SLMAP: variants seen among roughly 807,000 people sequenced by gnomAD.
The protein encoded by SLMAP is sarcolemma associated protein.
In SLMAP, 44 loss-of-function variants were observed where a neutral mutation model predicts 128.8. The ratio of observed to expected loss-of-function variants is 0.34; its 90% CI spans 0.27 to 0.44. SLMAP has a LOEUF of 0.44. Among genes scored for constraint, SLMAP ranks in the 20% least tolerant of loss-of-function variants. The pLI is 1.00. For missense variants in SLMAP, 787 were observed against 985.3 expected, an observed-to-expected ratio of 0.80 and a Z score of 2.69; for synonymous variants, 327 against 348.8, an observed-to-expected ratio of 0.94 and a Z score of 0.70.
intron 14 of SLMAP, among the ~76,000 whole-genome samples, chr3:57,879,019 A>G (rs182300119): frequency 1.3e-5 from 2 of 152,270 alleles, no homozygotes; most frequent in East Asian, 3.9e-4. Flanking sequence ...GTAGCTGTCA[A>G]GTAAGGAAAA....
chr3:57,851,352 G>GTT (rs11297177), intron 6 of SLMAP, among the ~76,000 whole-genome samples: 14,765 of 133,184 alleles, frequency 0.11, 917 homozygotes, highest in South Asian at 0.16. Context: ...GTTTTGGGTT[G>GTT]TTTTTTTTTT....
intron 2 of SLMAP, among the ~76,000 whole-genome samples, chr3:57,794,867 T>A (rs903894095): frequency 6.6e-6 from 1 of 152,256 alleles, no homozygotes; most frequent in Non-Finnish European, 1.5e-5. Flanking sequence ...TCGGCTGTTA[T>A]GAATAATGTC....
intron 3 of SLMAP, among the ~76,000 whole-genome samples, chr3:57,832,764 T>G (rs2093416075): frequency 6.6e-6 from 1 of 152,190 alleles, no homozygotes; most frequent in Non-Finnish European, 1.5e-5. Context: ...GCAGTATTAT[T>G]TTTAATGGGT....
At chr3:57,885,108 T>C (rs1045871271) in intron 14 of SLMAP, among the ~76,000 whole-genome samples, 1 of 151,826 alleles carries the variant, frequency 6.6e-6, no homozygotes, top group African/African-American at 2.4e-5. Context: ...GTTTCGCTCT[T>C]GTTGCCCAGG....
At chr3:57,837,586 GTCTC>G (rs1003374019) in intron 3 of SLMAP, among the ~76,000 whole-genome samples, 2 of 152,064 alleles carry the variant, frequency 1.3e-5, no homozygotes, top group African/African-American at 4.8e-5. Context: ...AACCAGGATG[GTCTC>G]TCTCTCCTGA....
chr3:57,841,175 T>C, intron 3 of SLMAP, 124 bp from the exon 4 acceptor site: 1 of 546,978 alleles, frequency 1.8e-6, no homozygotes, highest in Non-Finnish European at 3.1e-6. Flanking sequence ...ATTAAACCAC[T>C]AGCTTTATTT....
intron 14 of SLMAP, among the ~76,000 whole-genome samples, chr3:57,888,317 A>T (rs1000923624): frequency 6.6e-6 from 1 of 152,094 alleles, no homozygotes; most frequent in Non-Finnish European, 1.5e-5. Context: ...ATATAAAATA[A>T]TTTTTCAATA....
chr3:57,897,417 C>T (rs2096268806), intron 17 of SLMAP: 2 of 154,770 alleles, frequency 1.3e-5, no homozygotes, highest in Admixed American at 1.3e-4. Context: ...AGGTGGATGG[C>T]CAGGCATGGT....
chr3:57,923,251 C>A (rs963523094), intron 23 of SLMAP, among the ~76,000 whole-genome samples: 2 of 152,162 alleles, frequency 1.3e-5, no homozygotes, highest in African/African-American at 4.8e-5. Context: ...GGAGGAAGAG[C>A]CTTGTTTGCA....
intron 14 of SLMAP, among the ~76,000 whole-genome samples, chr3:57,883,403 A>C (rs866364670): frequency 1.3e-5 from 2 of 152,170 alleles, no homozygotes; most frequent in African/African-American, 2.4e-5. Flanking sequence ...CCATTAAAAA[A>C]TGTTGTTGTT....
chr3:57,811,236 A>G (rs2090917839), intron 2 of SLMAP, among the ~76,000 whole-genome samples: 1 of 151,694 alleles, frequency 6.6e-6, no homozygotes. Context: ...TTAGACAGTA[A>G]CTCTCCATTT....
At chr3:57,894,920 C>T (rs1236674252) in intron 15 of SLMAP, among the ~76,000 whole-genome samples, 1 of 152,104 alleles carries the variant, frequency 6.6e-6, no homozygotes, top group African/African-American at 2.4e-5. Context: ...TGACTGAGGC[C>T]TTGTGGAGAA....
intron 6 of SLMAP, among the ~76,000 whole-genome samples, chr3:57,853,661 G>T (rs551535907): frequency 6.6e-6 from 1 of 151,860 alleles, no homozygotes; most frequent in East Asian, 2.0e-4. Context: ...ATATCTTTGG[G>T]CTGGGCACGG....
intron 14 of SLMAP, among the ~76,000 whole-genome samples, chr3:57,876,902 A>T (rs935817726): frequency 6.6e-6 from 1 of 152,158 alleles, no homozygotes; most frequent in Non-Finnish European, 1.5e-5. Flanking sequence ...TAATGAGGAG[A>T]GAGGCATCAT....
At chr3:57,820,769 G>T (rs2092433517) in intron 2 of SLMAP, among the ~76,000 whole-genome samples, 1 of 151,314 alleles carries the variant, frequency 6.6e-6, no homozygotes, top group Non-Finnish European at 1.5e-5. Context: ...GCTCCTCCTG[G>T]TCCACTTCGT....
chr3:57,921,353 A>C (rs1277958792), intron 22 of SLMAP, among the ~76,000 whole-genome samples: 1 of 151,966 alleles, frequency 6.6e-6, no homozygotes. Context: ...CAGGCGGGGC[A>C]CGGTGGCTCA....
intron 14 of SLMAP, among the ~76,000 whole-genome samples, chr3:57,885,493 C>T (rs1488837626): frequency 7.5e-5 from 11 of 146,460 alleles, no homozygotes; most frequent in African/African-American, 2.8e-4. Context: ...GATCTCGGCT[C>T]ACCACAACCT....
intron 15 of SLMAP, chr3:57,896,124 T>C (rs2096241008): frequency 4.0e-6 from 2 of 504,580 alleles, no homozygotes; most frequent in Non-Finnish European, 2.6e-6. Flanking sequence ...CTAGTGTTTT[T>C]ATGTAACAGA....
intron 23 of SLMAP, among the ~76,000 whole-genome samples, chr3:57,924,957 GTT>G (rs547751743): frequency 9.5e-5 from 13 of 136,748 alleles, no homozygotes; most frequent in Admixed American, 7.4e-5. Flanking sequence ...TTTGTTTTTT[GTT>G]TTTTTTTTTT....
Sources: allele counts gnomAD v4.1 joint callset (sites outside exome capture counted in the v4.1 genomes callset), GRCh38; gene constraint gnomAD v4.1.1; transcripts MANE v1.5; gene names NCBI Gene and HGNC (gene_info 2026-07-23, HGNC 2026-07-21).